LHFPL6: variants seen among roughly 807,000 people sequenced by gnomAD.
LHFPL6 encodes LHFPL tetraspan subfamily member 6.
LHFPL6 carries 9 observed loss-of-function variants against 20.6 expected under a neutral mutation model. The observed-to-expected ratio is 0.44, with a 90% confidence interval of 0.26 to 0.76. LHFPL6 has a LOEUF of 0.76. LHFPL6 is among the 30% of genes least tolerant of loss of function. The pLI is 0.20. For missense variants in LHFPL6, 218 were observed against 253.5 expected (o/e 0.86, Z 0.95); for synonymous variants, 105 against 98.7 (o/e 1.06, Z -0.38).
intron 3 of LHFPL6, among the ~76,000 whole-genome samples, chr13:39,348,519 CCCTG>C (rs1200113675): frequency 5.3e-5 from 8 of 152,282 alleles, no homozygotes; most frequent in African/African-American, 1.9e-4. Flanking sequence ...ACAAACTGCA[CCCTG>C]CTGGGTGTTT....
intron 2 of LHFPL6, among the ~76,000 whole-genome samples, chr13:39,419,066 C>A (rs1456600586): frequency 6.6e-6 from 1 of 151,950 alleles, no homozygotes; most frequent in African/African-American, 2.4e-5. Context: ...TTTAGCTTCC[C>A]AATTAGTAAG....
intron 2 of LHFPL6, among the ~76,000 whole-genome samples, chr13:39,492,114 T>C (rs1868944829): frequency 6.6e-6 from 1 of 152,228 alleles, no homozygotes; most frequent in Non-Finnish European, 1.5e-5. Context: ...TACTCAATAC[T>C]GTGAATGACT....
At chr13:39,480,480 G>A (rs1471261458) in intron 2 of LHFPL6, among the ~76,000 whole-genome samples, 1 of 152,158 alleles carries the variant, frequency 6.6e-6, no homozygotes, top group Non-Finnish European at 1.5e-5. Context: ...ATTGTAAGAA[G>A]GAGATACCAA....
chr13:39,487,723 T>C (rs190762743), intron 2 of LHFPL6, among the ~76,000 whole-genome samples: 295 of 152,314 alleles, frequency 1.9e-3, no homozygotes, highest in African/African-American at 6.6e-3. Context: ...AAATATGTTC[T>C]CTAGGCCGGG....
intron 2 of LHFPL6, among the ~76,000 whole-genome samples, chr13:39,466,840 T>A (rs1872816764): frequency 6.6e-6 from 1 of 152,224 alleles, no homozygotes; most frequent in African/African-American, 2.4e-5. Context: ...CATTTGTTTT[T>A]CTGATGTAGG....
At chr13:39,425,301 T>C (rs1158434462) in intron 2 of LHFPL6, among the ~76,000 whole-genome samples, 6 of 152,258 alleles carry the variant, frequency 3.9e-5, no homozygotes, top group Admixed American at 1.3e-4. Flanking sequence ...CACAATTTGC[T>C]TATCCATTCA....
chr13:39,353,508 C>G (rs547682055), intron 3 of LHFPL6, among the ~76,000 whole-genome samples: 2 of 151,538 alleles, frequency 1.3e-5, no homozygotes, highest in African/African-American at 4.8e-5. Context: ...GGGCAGATCA[C>G]GAGGTCAGGA....
chr13:39,354,290 C>T (rs1869671000), intron 3 of LHFPL6, among the ~76,000 whole-genome samples: 1 of 152,086 alleles, frequency 6.6e-6, no homozygotes, highest in Admixed American at 6.6e-5. Context: ...GAGTCTTGGG[C>T]CTCTGAAAGC....
At chr13:39,443,342 G>A (rs1476795498) in intron 2 of LHFPL6, among the ~76,000 whole-genome samples, 1 of 152,134 alleles carries the variant, frequency 6.6e-6, no homozygotes, top group Non-Finnish European at 1.5e-5. Flanking sequence ...CAGACCATGA[G>A]CAGAATACAT....
At chr13:39,585,410 A>T (rs1448416936) in intron 2 of LHFPL6, among the ~76,000 whole-genome samples, 1 of 152,224 alleles carries the variant, frequency 6.6e-6, no homozygotes, top group Admixed American at 6.5e-5. Context: ...CTTCAATGCA[A>T]TTGGCTCTTG....
intron 2 of LHFPL6, among the ~76,000 whole-genome samples, chr13:39,593,973 G>A (rs1281531920): frequency 2.0e-5 from 3 of 152,130 alleles, no homozygotes; most frequent in Non-Finnish European, 2.9e-5. Context: ...ATTCAAGATG[G>A]ATTAAAGACT....
At chr13:39,548,361 T>C (rs566395633) in intron 2 of LHFPL6, among the ~76,000 whole-genome samples, 28 of 152,166 alleles carry the variant, frequency 1.8e-4, no homozygotes, top group African/African-American at 5.5e-4. Context: ...TAGATTCTAA[T>C]TCAAATTAAA....
At chr13:39,394,711 T>C in intron 2 of LHFPL6, among the ~76,000 whole-genome samples, 1 of 152,210 alleles carries the variant, frequency 6.6e-6, no homozygotes, top group Non-Finnish European at 1.5e-5. Flanking sequence ...GTTTATCTCG[T>C]GGCTTCACAT....
intron 2 of LHFPL6, among the ~76,000 whole-genome samples, chr13:39,444,539 C>G (rs1267287741): frequency 6.6e-6 from 1 of 152,176 alleles, no homozygotes; most frequent in Non-Finnish European, 1.5e-5. Context: ...ACATTCGCTG[C>G]CCTACATTGC....
rs189068819 is a variant in LHFPL6, at chr13:39,551,913, G to A, written c.385+48919C>T. 3.3e-5 allele frequency among the ~76,000 whole-genome samples: 5 copies of A among 152,262 alleles called. No individual in the cohort carries two copies. The East Asian group carries it at 7.7e-4, about 23-fold the overall frequency. Reference sequence around the variant, plus strand: ...ATATTTTTATATTTTTAGGTTTTCAGTTACTAACATATTAATAGCCCTCTG... The same window carrying A: ...ATATTTTTATATTTTTAGGTTTTCAATTACTAACATATTAATAGCCCTCTG... On this transcript the variant is annotated intron_variant, in intron 2 of 3. Coordinates refer to ENST00000379589, the MANE Select transcript of LHFPL6 (RefSeq NM_005780.3).
chr13:39,344,213 T>C (rs1869330648), intron 3 of LHFPL6, among the ~76,000 whole-genome samples, 159 bp from the exon 4 acceptor site: 1 of 152,142 alleles, frequency 6.6e-6, no homozygotes, highest in Non-Finnish European at 1.5e-5. Context: ...ATCTTGACAG[T>C]GAAGAAAGCA....
intron 2 of LHFPL6, among the ~76,000 whole-genome samples, chr13:39,526,447 G>A (rs1205604670): frequency 2.6e-5 from 4 of 152,168 alleles, no homozygotes; most frequent in Non-Finnish European, 5.9e-5. Context: ...GAAATAGATG[G>A]AGTTAACGCA....
At chr13:39,345,231 G>T (rs1328212626) in intron 3 of LHFPL6, among the ~76,000 whole-genome samples, 1 of 152,062 alleles carries the variant, frequency 6.6e-6, no homozygotes, top group African/African-American at 2.4e-5. Context: ...AAAATCACGG[G>T]GCTGGGCGCA....
At chr13:39,354,364 G>T (rs944814067) in intron 3 of LHFPL6, among the ~76,000 whole-genome samples, 1 of 151,692 alleles carries the variant, frequency 6.6e-6, no homozygotes, top group South Asian at 2.1e-4. Flanking sequence ...GACAAATAAA[G>T]AATATAAAAA....
Sources: gnomAD v4.1 joint callset for allele counts (sites outside exome capture counted in the v4.1 genomes callset) on GRCh38, gnomAD v4.1.1 for gene constraint, MANE v1.5 for transcripts, NCBI Gene and HGNC (gene_info 2026-07-23, HGNC 2026-07-21) for gene names.